The following ADGRL3 variants were observed in gnomAD, a reference collection of about 807,000 sequenced individuals.
ADGRL3 encodes adhesion G protein-coupled receptor L3.
A neutral mutation model predicts 153.5 loss-of-function variants in ADGRL3; 62 were observed. The observed-to-expected ratio is 0.40, with a 90% confidence interval of 0.33 to 0.50. The LOEUF (loss-of-function observed/expected upper bound fraction) is 0.50, where lower values mean the gene tolerates loss of function less well. ADGRL3 is among the 20% of genes least tolerant of loss of function. The pLI is 0.47. For missense variants in ADGRL3, 1,641 were observed against 1,859.4 expected, an observed-to-expected ratio of 0.88 and a Z score of 2.16; for synonymous variants, 710 against 672.5, an observed-to-expected ratio of 1.06 and a Z score of -0.86.
Position 61,232,103 on chromosome 4 carries a change from G to A in ADGRL3, c.-240+30338G>A, listed in dbSNP as rs371358018. ...GAGAATTGTTATATCTCCCTTCTGG[G>A]ATTGCTGTCAAGGTCAAATGTTTTG... On this transcript the variant is annotated intron_variant, in intron 1 of 26. Coordinates refer to ENST00000683033, the MANE Select transcript of ADGRL3 (RefSeq NM_001387552.1). Among the ~76,000 whole-genome samples the A allele has an allele frequency of 2.0e-5, 3 of 152,054 alleles. No homozygotes were observed. The East Asian group carries it at 5.8e-4, about 29-fold the overall frequency.
chr4:61,663,168 C>T (rs893542837), intron 5 of ADGRL3, among the ~76,000 whole-genome samples: 3 of 152,184 alleles, frequency 2.0e-5, no homozygotes, highest in African/African-American at 7.2e-5. Flanking sequence ...CTGAAAGACA[C>T]TCCTTGCTCA....
chr4:61,999,543 C>T (rs747357012), intron 21 of ADGRL3, among the ~76,000 whole-genome samples: 13 of 151,978 alleles, frequency 8.6e-5, no homozygotes, highest in Non-Finnish European at 1.2e-4. Flanking sequence ...ATTTATTAAA[C>T]GCTTTTACTT....
intron 5 of ADGRL3, among the ~76,000 whole-genome samples, chr4:61,608,366 G>T (rs1044256855): frequency 2.0e-5 from 3 of 152,078 alleles, no homozygotes; most frequent in Admixed American, 6.6e-5. Flanking sequence ...AAATGCTAAA[G>T]ACTATTTCAG....
At chr4:61,525,596 G>C (rs1161006877) in intron 4 of ADGRL3, among the ~76,000 whole-genome samples, 2 of 152,256 alleles carry the variant, frequency 1.3e-5, no homozygotes, top group East Asian at 3.9e-4. Context: ...GGACTTAAAA[G>C]TAGAGAGCTC....
chr4:61,349,706 C>T (rs1359475398), intron 1 of ADGRL3, among the ~76,000 whole-genome samples: 2 of 152,080 alleles, frequency 1.3e-5, no homozygotes, highest in East Asian at 3.9e-4. Flanking sequence ...ATACTAGTAC[C>T]TTTACATAAA....
At chr4:61,486,725 A>G (rs1413279064) in intron 2 of ADGRL3, among the ~76,000 whole-genome samples, 2 of 152,184 alleles carry the variant, frequency 1.3e-5, no homozygotes, top group Non-Finnish European at 2.9e-5. Context: ...ATATTTTGAA[A>G]TCTTTTAAAA....
At chr4:61,457,821 C>G (rs545299046) in intron 2 of ADGRL3, among the ~76,000 whole-genome samples, 2 of 151,324 alleles carry the variant, frequency 1.3e-5, no homozygotes, top group South Asian at 4.2e-4. Flanking sequence ...TTCCCGAAGG[C>G]CTTGTGTTTT....
At chr4:61,540,309 GA>G in intron 4 of ADGRL3, among the ~76,000 whole-genome samples, 1 of 152,152 alleles carries the variant, frequency 6.6e-6, no homozygotes, top group African/African-American at 2.4e-5. Context: ...AGCACTTTGG[GA>G]GGCCAAGGCA....
At chr4:61,729,733 T>C (rs1270769972) in intron 6 of ADGRL3, among the ~76,000 whole-genome samples, 1 of 151,984 alleles carries the variant, frequency 6.6e-6, no homozygotes, top group African/African-American at 2.4e-5. Flanking sequence ...GATAAAGAGA[T>C]GCTGTTTGAT....
intron 1 of ADGRL3, among the ~76,000 whole-genome samples, chr4:61,381,226 A>C (rs909700562): frequency 1.3e-5 from 2 of 151,416 alleles, no homozygotes; most frequent in African/African-American, 4.9e-5. Context: ...GACACATATA[A>C]TAGTGTACTT....
chr4:61,578,673 C>T (rs551583508), intron 4 of ADGRL3, among the ~76,000 whole-genome samples: 12 of 152,030 alleles, frequency 7.9e-5, no homozygotes, highest in African/African-American at 2.9e-4. Flanking sequence ...AGATTTTTTG[C>T]CTGAAGTATT....
At chr4:61,600,016 A>G (rs922558600) in intron 5 of ADGRL3, among the ~76,000 whole-genome samples, 2 of 152,226 alleles carry the variant, frequency 1.3e-5, no homozygotes, top group African/African-American at 4.8e-5. Context: ...TTTCTAATTA[A>G]AAGAGGAAAT....
rs2092917870 is a variant in ADGRL3 at position 61,267,439 on chromosome 4, C to T, written c.-240+65674C>T. ...CAAGCACCTTCCTATTTTCCACTAC[C>T]ATGCTATATCATCCCTAGAAAGTTG... On this transcript the variant is annotated intron_variant, in intron 1 of 26. Coordinates refer to ENST00000683033, the MANE Select transcript of ADGRL3 (RefSeq NM_001387552.1). Among the ~76,000 whole-genome samples the T allele has an allele frequency of 2.6e-5, 4 of 151,686 alleles. No individual in the cohort carries two copies. In the Admixed American group the frequency reaches 2.6e-4, roughly 10 times the overall value.
At chr4:61,291,621 TATATAA>T (rs1560434772) in intron 1 of ADGRL3, among the ~76,000 whole-genome samples, 26 of 45,904 alleles carry the variant, frequency 5.7e-4, no homozygotes, top group Middle Eastern at 0.013. Context: ...CATATATATA[TATATAA>T]AATATTTATT....
chr4:61,810,173 C>A (rs989540999), intron 8 of ADGRL3, among the ~76,000 whole-genome samples: 1 of 152,086 alleles, frequency 6.6e-6, no homozygotes, highest in Non-Finnish European at 1.5e-5. Flanking sequence ...TTTAATGTCT[C>A]AACACACATG....
At chr4:61,966,602 G>A (rs1162672257) in intron 17 of ADGRL3, among the ~76,000 whole-genome samples, 1 of 151,012 alleles carries the variant, frequency 6.6e-6, no homozygotes, top group Non-Finnish European at 1.5e-5. Context: ...GTGTGTGTGT[G>A]TGTGAATGAA....
intron 1 of ADGRL3, among the ~76,000 whole-genome samples, chr4:61,300,768 CT>C (rs1239709667): frequency 0.011 from 312 of 28,954 alleles, no homozygotes; most frequent in Middle Eastern, 0.096. Flanking sequence ...TTCTTTCTTT[CT>C]TTTTTTTTTT....
intron 21 of ADGRL3, among the ~76,000 whole-genome samples, chr4:62,022,831 G>A (rs192761171): frequency 3.4e-4 from 52 of 151,622 alleles, no homozygotes; most frequent in African/African-American, 1.2e-3. Flanking sequence ...ACTGATCCCT[G>A]ACAAGGCACC....
At chr4:62,038,283 CTA>C (rs1339790445) in intron 24 of ADGRL3, among the ~76,000 whole-genome samples, 2 of 152,044 alleles carry the variant, frequency 1.3e-5, no homozygotes, top group African/African-American at 4.8e-5. Context: ...GTAAAAATAA[CTA>C]TGACTCAACT....
Sources: gnomAD v4.1 joint callset for allele counts (sites outside exome capture counted in the v4.1 genomes callset) on GRCh38, gnomAD v4.1.1 for gene constraint, MANE v1.5 for transcripts, NCBI Gene and HGNC (gene_info 2026-07-23, HGNC 2026-07-21) for gene names.